Variants in PIP5K1A observed in about 807,000 individuals in gnomAD.
PIP5K1A encodes the protein phosphatidylinositol 4-phosphate 5-kinase type-1 alpha.
PIP5K1A carries 46 observed loss-of-function variants against 72.9 expected under a neutral mutation model. That is an observed-to-expected ratio of 0.63 (90% CI 0.50 to 0.81). The LOEUF (loss-of-function observed/expected upper bound fraction) is 0.81. PIP5K1A is among the 30% of genes least tolerant of loss of function. PIP5K1A has a pLI of 0.00. For missense variants in PIP5K1A, 458 were observed against 706.1 expected (o/e 0.65, Z 3.98); for synonymous variants, 228 against 255.1 (o/e 0.89, Z 1.01).
upstream of PIP5K1A, among the ~76,000 whole-genome samples, chr1:151,195,877 C>A (rs1684540576): frequency 7.1e-6 from 1 of 141,706 alleles, no homozygotes; most frequent in Admixed American, 7.3e-5. Context: ...TACATCAACA[C>A]CAGCCGATTT....
chr1:151,222,362 T>C (rs1306197968), intron 1 of PIP5K1A, among the ~76,000 whole-genome samples: 2 of 152,284 alleles, frequency 1.3e-5, no homozygotes, highest in African/African-American at 4.8e-5. Flanking sequence ...GCACCAAAAT[T>C]CCATGGAGCG....
intron 1 of PIP5K1A, among the ~76,000 whole-genome samples, chr1:151,214,595 G>C (rs1466523063): frequency 6.6e-6 from 1 of 152,074 alleles, no homozygotes; most frequent in Non-Finnish European, 1.5e-5. Flanking sequence ...TGGTCAGGCT[G>C]GTCTCGAACT....
intron 1 of PIP5K1A, among the ~76,000 whole-genome samples, chr1:151,209,769 T>A (rs587682104): frequency 2.0e-5 from 3 of 151,936 alleles, no homozygotes; most frequent in African/African-American, 7.2e-5. Context: ...GGTTTCACCA[T>A]GTTGGCCAGG....
At chr1:151,219,700 A>AT (rs1442621389) in intron 1 of PIP5K1A, among the ~76,000 whole-genome samples, 1 of 151,804 alleles carries the variant, frequency 6.6e-6, no homozygotes, top group African/African-American at 2.4e-5. Context: ...ATCTAAAAAA[A>AT]AAGAAACAAA....
In PIP5K1A at chr1:151,238,051, C is replaced by G. The variant is rs917608434; in HGVS notation, c.1146-131C>G. The G allele has an allele frequency of 8.2e-6, 5 of 611,066 alleles. No individual in the cohort carries two copies. The Middle Eastern group carries it at 1.2e-3, about 144-fold the overall frequency. The allele number at this position is 611,066 out of a possible 1,614,324, so 37.9% of individuals were successfully genotyped here. A position where few individuals can be genotyped will look rare whatever the true frequency, so the allele number is the denominator to read the frequency against. ...ATGTATTTTTTTCTCTTTTTGTTTTCTTGATCACTTATTATCTGACCTTCT... is the reference window on the plus strand; with the variant it reads ...ATGTATTTTTTTCTCTTTTTGTTTTGTTGATCACTTATTATCTGACCTTCT... On this transcript the variant is annotated intron_variant, in intron 9 of 15. Coordinates refer to ENST00000368888, the MANE Select transcript of PIP5K1A (RefSeq NM_001135638.2).
chr1:151,247,599 G>T (rs1330469052), intron 15 of PIP5K1A, among the ~76,000 whole-genome samples: 1 of 151,930 alleles, frequency 6.6e-6, no homozygotes, highest in Non-Finnish European at 1.5e-5. Flanking sequence ...CTAATTTTTT[G>T]TATTTTTAGT....
At position 151,232,694 on chromosome 1, in the gene PIP5K1A, A is replaced by G; in HGVS notation, c.630A>G (p.Gly210=). 6.2e-7 allele frequency: 1 copy of G among 1,613,852 alleles called. No individual in the cohort carries two copies. Among genetic ancestry groups the G allele is most frequent in the Non-Finnish European group, 8.5e-7 (1 of 1,179,844 alleles). ...AATTTCTGCAGAAGCTGCTTCCAGG[A>G]TACTACATGGTAAGGGAGAGAGAAG... ...EAEFLQKLLP[G]YYMNLNQNPR... is the part of the protein sequence containing the mutation. The change falls in exon 7 of 16, where the codon GGA becomes GGG. Residue 210 remains glycine (G), a synonymous_variant. Transcript: ENST00000368888.
chr1:151,232,774 C>CA, intron 7 of PIP5K1A, 71 bp downstream of exon 7: 1 of 1,324,872 alleles, frequency 7.5e-7, no homozygotes, highest in Non-Finnish European at 1.1e-6. Context: ...CTGTCTTCAG[C>CA]AGGGTAAAAC....
intron 1 of PIP5K1A, among the ~76,000 whole-genome samples, chr1:151,217,673 C>G (rs1384318167): frequency 1.3e-5 from 2 of 152,178 alleles, no homozygotes; most frequent in African/African-American, 4.8e-5. Flanking sequence ...CACTGACCTC[C>G]CAGGCCCAGG....
Position 151,232,531 on chromosome 1 carries a change from T to C in PIP5K1A, c.487-20T>C. The stretch of plus-strand genomic sequence containing the variant: ...GCCCTGATGTGTCTAAATCTCTTAG[T>C]TCTTCTCTGTTTGCCCCAGTATTCC... On this transcript the variant is annotated intron_variant, in intron 6 of 15. Coordinates refer to ENST00000368888, the MANE Select transcript of PIP5K1A (RefSeq NM_001135638.2). 1 of 1,591,592 alleles carries C rather than the reference T, an allele frequency of 6.3e-7. No homozygotes were observed. Among genetic ancestry groups the C allele is most frequent in the Non-Finnish European group, 8.5e-7 (1 of 1,170,520 alleles).
intron 9 of PIP5K1A, among the ~76,000 whole-genome samples, chr1:151,237,487 C>G (rs1314645454): frequency 6.6e-6 from 1 of 152,088 alleles, no homozygotes; most frequent in Non-Finnish European, 1.5e-5. Flanking sequence ...ATGATGAGAC[C>G]TCATCACTAC....
Position 151,236,821 on chromosome 1 carries a change from C to CTTTT in PIP5K1A, c.1145+77_1145+80dup, listed in dbSNP as rs369523470. ...CATAGGCCCACAGCACTTTTCTTTT[C>CTTTT]TTTTTTTTTTTTTTTTTTTTTTAGT... On this transcript the variant is annotated intron_variant, in intron 9 of 15. Transcript: ENST00000368888. 2,417 of 496,106 alleles carry CTTTT rather than the reference C, an allele frequency of 4.9e-3. 3 individuals are homozygous for CTTTT. Among genetic ancestry groups the CTTTT allele is most frequent in the Middle Eastern group, 7.9e-3 (13 of 1,646 alleles). The allele number at this position is 496,106 out of a possible 1,614,324, so 30.7% of individuals were successfully genotyped here.
intron 8 of PIP5K1A, among the ~76,000 whole-genome samples, chr1:151,236,257 A>T (rs1690844208): frequency 6.6e-6 from 1 of 152,052 alleles, no homozygotes; most frequent in Non-Finnish European, 1.5e-5. Context: ...AGATAGGCAG[A>T]TCCCTTGAGC....
In PIP5K1A at chr1:151,241,001, C is replaced by T. The variant is rs11804474; in HGVS notation, c.1363+962C>T. 8.7e-3 allele frequency among the ~76,000 whole-genome samples: 1,316 copies of T among 152,080 alleles called. 26 individuals are homozygous for T. The highest frequency in any genetic ancestry group is 0.03 in the African/African-American group (1,246 of 41,466). On this transcript the variant is annotated intron_variant, in intron 12 of 15. Coordinates refer to ENST00000368888, the MANE Select transcript of PIP5K1A (RefSeq NM_001135638.2). ...CCAACGTGTTGAAACCCTGTCTCTA[C>T]TAAAAATACTAAAATTAGCCGGGTG...
rs587599466 is a variant in PIP5K1A, at chr1:151,240,338, A to G, written c.1363+299A>G. On this transcript the variant is annotated intron_variant, in intron 12 of 15. Transcript: ENST00000368888. Reference sequence around the variant, plus strand: ...ATGTGTAGTTGTGGATGTAGGATCCATGCCACAGAGATAGGCAGAGCCTAT... The same window carrying G: ...ATGTGTAGTTGTGGATGTAGGATCCGTGCCACAGAGATAGGCAGAGCCTAT... The G allele has an allele frequency of 8.6e-4, 308 of 358,950 alleles. 15 individuals carry two copies. Among genetic ancestry groups the G allele is most frequent in the South Asian group, 8.5e-3 (304 of 35,914 alleles). 22.2% of individuals were successfully genotyped at this position (358,950 alleles called of 1,614,324 possible). A position where few individuals can be genotyped will look rare whatever the true frequency, so the allele number is the denominator to read the frequency against.
At chr1:151,204,098 T>A (rs946003484) in intron 1 of PIP5K1A, among the ~76,000 whole-genome samples, 25 of 152,170 alleles carry the variant, frequency 1.6e-4, no homozygotes, top group Admixed American at 1.3e-4. Context: ...TGATTCTGAT[T>A]GCTTTGTTCT....
At chr1:151,246,169 C>A (rs1041764868) in intron 14 of PIP5K1A, among the ~76,000 whole-genome samples, 1 of 152,084 alleles carries the variant, frequency 6.6e-6, no homozygotes. Flanking sequence ...ATTGCTTGAA[C>A]CCGGGAGGCA....
chr1:151,223,070 G>A (rs964515745), intron 1 of PIP5K1A, among the ~76,000 whole-genome samples: 7 of 152,056 alleles, frequency 4.6e-5, no homozygotes, highest in African/African-American at 1.7e-4. Context: ...ACAAAAATTA[G>A]CCAGGCGCAG....
At chr1:151,228,973 A>ACT (rs1388046578) in intron 4 of PIP5K1A, among the ~76,000 whole-genome samples, 1 of 151,394 alleles carries the variant, frequency 6.6e-6, no homozygotes, top group Non-Finnish European at 1.5e-5. Flanking sequence ...TCGGAGACCA[A>ACT]CCTGACCAAC....
Sources: gnomAD v4.1 joint callset for allele counts (sites outside exome capture counted in the v4.1 genomes callset) on GRCh38, gnomAD v4.1.1 for gene constraint, MANE v1.5 for transcripts, NCBI Gene and HGNC (gene_info 2026-07-23, HGNC 2026-07-21) for gene names.